PRKN: variants seen among roughly 807,000 people sequenced by gnomAD.
PRKN encodes parkin RBR E3 ubiquitin protein ligase, also known as E3 ubiquitin-protein ligase parkin.
Under a neutral mutation model 59.5 loss-of-function variants are expected in PRKN, and 56 were observed. The observed-to-expected ratio is 0.94, with a 90% CI of 0.76 to 1.18. PRKN has a LOEUF of 1.18. Among genes scored for constraint, PRKN ranks in the 50% most tolerant of loss-of-function variants. The pLI, the probability that PRKN is intolerant of heterozygous loss-of-function variation, is 0.00. For synonymous variants in PRKN, 250 were observed against 222.1 expected (o/e 1.13, Z -1.12); for missense variants, 657 against 596.4 (o/e 1.10, Z -1.06).
intron 1 of PRKN, among the ~76,000 whole-genome samples, chr6:162,668,005 GA>G (rs946363750): frequency 1.2e-4 from 18 of 151,906 alleles, no homozygotes; most frequent in African/African-American, 1.7e-4. Flanking sequence ...GACAAGAGAG[GA>G]AAAAAATCTA....
chr6:161,456,220 C>T lies in PRKN; in HGVS notation c.1084-69343G>A, dbSNP rs1307137412. On this transcript the variant is annotated intron_variant, in intron 9 of 11. Coordinates refer to ENST00000366898, the MANE Select transcript of PRKN (RefSeq NM_004562.3). The surrounding 1 kb of genome is among the most constrained non-coding windows in gnomAD (Gnocchi z 4.8). Reference sequence around the variant, plus strand: ...CAGACCCACCCTCAGTCAGGATGGGCGAAATTGAATCGGCTGCCAGTGCAG... The same window carrying T: ...CAGACCCACCCTCAGTCAGGATGGGTGAAATTGAATCGGCTGCCAGTGCAG... Among the ~76,000 whole-genome samples the T allele has an allele frequency of 1.3e-5, 2 of 152,076 alleles. No individual in the cohort carries two copies. Among genetic ancestry groups the T allele is most frequent in the Non-Finnish European group, 2.9e-5 (2 of 68,026 alleles).
chr6:162,422,151 C>G (rs1789003671), intron 2 of PRKN, among the ~76,000 whole-genome samples: 1 of 152,156 alleles, frequency 6.6e-6, no homozygotes. Context: ...TGTATGTATG[C>G]TTTACTTGCT....
At chr6:161,696,518 C>T (rs138779650) in intron 7 of PRKN, among the ~76,000 whole-genome samples, 52 of 152,312 alleles carry the variant, frequency 3.4e-4, no homozygotes, top group African/African-American at 1.2e-3. Flanking sequence ...TTCCTAAATT[C>T]TTCTGCAAAG....
intron 1 of PRKN, among the ~76,000 whole-genome samples, chr6:162,607,297 A>G (rs1781960519): frequency 6.6e-6 from 1 of 152,180 alleles, no homozygotes; most frequent in Admixed American, 6.5e-5. Flanking sequence ...TGGCCAGAAA[A>G]GTAGAAGAGC....
intron 7 of PRKN, among the ~76,000 whole-genome samples, chr6:161,662,128 C>T (rs747678856): frequency 1.3e-5 from 2 of 152,176 alleles, no homozygotes; most frequent in Admixed American, 6.5e-5. Context: ...AGGGAAAGTT[C>T]GTAACGTGAA....
intron 4 of PRKN, among the ~76,000 whole-genome samples, chr6:162,151,982 T>C (rs1212716542): frequency 3.3e-5 from 5 of 152,200 alleles, no homozygotes. Context: ...TTATAATGCT[T>C]TATGTACCCT....
At chr6:161,821,258 A>T (rs1792010899) in intron 6 of PRKN, among the ~76,000 whole-genome samples, 1 of 152,164 alleles carries the variant, frequency 6.6e-6, no homozygotes, top group African/African-American at 2.4e-5. Flanking sequence ...ATGTATTTAA[A>T]CATAAATCTT....
intron 1 of PRKN, among the ~76,000 whole-genome samples, chr6:162,639,912 T>C (rs767753001): frequency 5.9e-5 from 9 of 152,162 alleles, no homozygotes; most frequent in Non-Finnish European, 1.3e-4. Context: ...ATTTTCTGGG[T>C]AGATTTTTCA....
At chr6:161,875,114 T>C (rs893445654) in intron 6 of PRKN, among the ~76,000 whole-genome samples, 3 of 132,900 alleles carry the variant, frequency 2.3e-5, no homozygotes, top group Non-Finnish European at 4.6e-5. Context: ...ATATATATTA[T>C]ATATAAAGTA....
chr6:162,210,377 T>C (rs1785155173), intron 3 of PRKN, among the ~76,000 whole-genome samples: 2 of 152,150 alleles, frequency 1.3e-5, no homozygotes, highest in South Asian at 2.1e-4. Context: ...TCAGCACATG[T>C]TGTTTATTTG....
At chr6:162,401,700 TAAGGA>T (rs1052120669) in intron 2 of PRKN, among the ~76,000 whole-genome samples, 9 of 151,858 alleles carry the variant, frequency 5.9e-5, no homozygotes, top group East Asian at 3.9e-4. Context: ...CAAACTAATA[TAAGGA>T]AAGAGAAAGA....
chr6:162,320,005 A>C (rs73598195), intron 2 of PRKN, among the ~76,000 whole-genome samples: 13,258 of 151,714 alleles, frequency 0.087, 675 homozygotes, highest in Middle Eastern at 0.16. Flanking sequence ...ATGACTGCAC[A>C]CTCCATGTCC....
In PRKN at chr6:161,425,709, T is replaced by C. The variant is rs185515161; in HGVS notation, c.1084-38832A>G. Among the ~76,000 whole-genome samples, 112 of 152,240 alleles carry C rather than the reference T, an allele frequency of 7.4e-4. 2 individuals carry two copies. Among genetic ancestry groups the C allele is most frequent in the African/African-American group, 2.6e-3 (106 of 41,532 alleles). ...AGTCAAGATTACAACTAAGTATCTTTTGGGTCAAAATGTTTGTAAAGTATT... is the reference window on the plus strand; with the variant it reads ...AGTCAAGATTACAACTAAGTATCTTCTGGGTCAAAATGTTTGTAAAGTATT... On this transcript the variant is annotated intron_variant, in intron 9 of 11. Transcript: ENST00000366898.
At chr6:162,063,689 C>T (rs1778201826) in intron 4 of PRKN, among the ~76,000 whole-genome samples, 1 of 152,138 alleles carries the variant, frequency 6.6e-6, no homozygotes, top group South Asian at 2.1e-4. Context: ...GGATTACAGG[C>T]ATTTGCCACC....
intron 1 of PRKN, among the ~76,000 whole-genome samples, chr6:162,614,829 A>G (rs1381454733): frequency 2.0e-5 from 3 of 152,220 alleles, no homozygotes; most frequent in African/African-American, 4.8e-5. Context: ...TACACAGTTT[A>G]GTTGGTTTTG....
chr6:162,531,954 A>C (rs77557604), intron 1 of PRKN, among the ~76,000 whole-genome samples: 10,597 of 151,844 alleles, frequency 0.07, 431 homozygotes, highest in Middle Eastern at 0.12. Flanking sequence ...AAAAAAAAAA[A>C]AAAATGTAAC....
At chr6:161,358,046 C>A (rs1784829961) in intron 11 of PRKN, among the ~76,000 whole-genome samples, 1 of 152,188 alleles carries the variant, frequency 6.6e-6, no homozygotes, top group Non-Finnish European at 1.5e-5. Flanking sequence ...CATACTGAGG[C>A]CTTTAGACAC....
At chr6:161,871,402 A>G (rs527374465) in intron 6 of PRKN, among the ~76,000 whole-genome samples, 1 of 152,246 alleles carries the variant, frequency 6.6e-6, no homozygotes, top group East Asian at 1.9e-4. Flanking sequence ...CTTCAGAGAG[A>G]AACTTGTGTT....
intron 2 of PRKN, among the ~76,000 whole-genome samples, chr6:162,298,505 T>C (rs1003704274): frequency 2.0e-5 from 3 of 151,966 alleles, no homozygotes; most frequent in Non-Finnish European, 2.9e-5. Context: ...ACCCTGGAAT[T>C]ACAGGGTTAT....
Sources: gnomAD v4.1 joint callset for allele counts (sites outside exome capture counted in the v4.1 genomes callset) on GRCh38, gnomAD v4.1.1 for gene constraint, Gnocchi (gnomAD v3.1) non-coding constraint, MANE v1.5 for transcripts, NCBI Gene and HGNC (gene_info 2026-07-23, HGNC 2026-07-21) for gene names.